RABGAP1L: variants seen among roughly 807,000 people sequenced by gnomAD.
RABGAP1L encodes rab GTPase-activating protein 1-like.
A neutral mutation model predicts 137.7 loss-of-function variants in RABGAP1L; 63 were observed. The observed-to-expected ratio is 0.46, with a 90% CI of 0.37 to 0.56. The LOEUF (loss-of-function observed/expected upper bound fraction) is 0.56, where lower values mean the gene tolerates loss of function less well. Among genes scored for constraint, RABGAP1L ranks in the 20% least tolerant of loss-of-function variants. The pLI, the probability that RABGAP1L is intolerant of heterozygous loss-of-function variation, is 0.00. For synonymous variants in RABGAP1L, 431 were observed against 433.7 expected, an observed-to-expected ratio of 0.99 and a Z score of 0.08; for missense variants, 1,095 against 1,244.0, an observed-to-expected ratio of 0.88 and a Z score of 1.80.
At position 174,183,595 on chromosome 1, in the gene RABGAP1L, T is replaced by C. The variant is rs148493370; in HGVS notation, c.-34+23938T>C. On this transcript the variant is annotated intron_variant, in intron 1 of 25. Transcript: ENST00000681986. The stretch of plus-strand genomic sequence containing the variant: ...AGGGTAGTAAATTTGTTACAGCTGA[T>C]GAACCTACTTGACACATCATTTCTT... Among the ~76,000 whole-genome samples, 715 of 152,346 alleles carry C rather than the reference T, an allele frequency of 4.7e-3. 6 individuals carry two copies. The highest frequency in any genetic ancestry group is 0.017 in the African/African-American group (689 of 41,568).
intron 13 of RABGAP1L, among the ~76,000 whole-genome samples, chr1:174,402,454 T>C (rs917703826): frequency 1.3e-5 from 2 of 152,154 alleles, no homozygotes; most frequent in Non-Finnish European, 2.9e-5. Context: ...AGGAAACACA[T>C]ATAAACCTTA....
intron 19 of RABGAP1L, among the ~76,000 whole-genome samples, chr1:174,853,754 A>G (rs1234148223): frequency 6.6e-6 from 1 of 152,088 alleles, no homozygotes; most frequent in Non-Finnish European, 1.5e-5. Context: ...AAAAAAAACA[A>G]AAAGGCTAGC....
chr1:174,819,783 G>A (rs1032730505), intron 19 of RABGAP1L, among the ~76,000 whole-genome samples: 3 of 152,092 alleles, frequency 2.0e-5, no homozygotes, highest in Admixed American at 1.3e-4. Context: ...AGAAGGAAAA[G>A]CCCACAGAAA....
chr1:174,555,004 G>A (rs1666785238), intron 13 of RABGAP1L, among the ~76,000 whole-genome samples: 1 of 124,238 alleles, frequency 8.0e-6, no homozygotes, highest in South Asian at 2.5e-4. Flanking sequence ...GTTAGAATAA[G>A]CAAAAGGATG....
chr1:174,677,050 G>A (rs370005802), intron 14 of RABGAP1L, among the ~76,000 whole-genome samples: 2 of 151,998 alleles, frequency 1.3e-5, no homozygotes, highest in African/African-American at 4.8e-5. Flanking sequence ...GGCCAGATGG[G>A]GTGGCTCATG....
At chr1:174,601,150 C>T (rs1670378400) in intron 13 of RABGAP1L, among the ~76,000 whole-genome samples, 1 of 152,218 alleles carries the variant, frequency 6.6e-6, no homozygotes, top group Non-Finnish European at 1.5e-5. Context: ...CCCTTTCAGC[C>T]AGGGCTGGAG....
At chr1:174,775,254 C>T (rs1324518183) in intron 18 of RABGAP1L, among the ~76,000 whole-genome samples, 1 of 151,988 alleles carries the variant, frequency 6.6e-6, no homozygotes, top group Non-Finnish European at 1.5e-5. Flanking sequence ...AAATAATTGT[C>T]TGAAACTCAG....
intron 8 of RABGAP1L, among the ~76,000 whole-genome samples, chr1:174,274,236 A>G (rs1352743855): frequency 6.6e-6 from 1 of 152,110 alleles, no homozygotes; most frequent in African/African-American, 2.4e-5. Flanking sequence ...TCATGACAGG[A>G]AAGTCCTATT....
At chr1:174,559,081 C>T (rs1161280963) in intron 13 of RABGAP1L, among the ~76,000 whole-genome samples, 3 of 152,160 alleles carry the variant, frequency 2.0e-5, no homozygotes, top group Non-Finnish European at 2.9e-5. Flanking sequence ...GGCATCTAGT[C>T]AGTCATCCTT....
intron 19 of RABGAP1L, among the ~76,000 whole-genome samples, chr1:174,927,998 TA>T (rs1663121040): frequency 6.6e-6 from 1 of 152,168 alleles, no homozygotes; most frequent in Non-Finnish European, 1.5e-5. Context: ...TTCCTTTGAT[TA>T]AAATCTTTCA....
intron 17 of RABGAP1L, among the ~76,000 whole-genome samples, chr1:174,727,598 T>C (rs1267400113): frequency 6.6e-6 from 1 of 152,200 alleles, no homozygotes; most frequent in Non-Finnish European, 1.5e-5. Context: ...GAACAAGTTC[T>C]GGTATTCTAT....
intron 14 of RABGAP1L, among the ~76,000 whole-genome samples, chr1:174,642,976 G>A (rs1674663929): frequency 1.3e-5 from 2 of 151,938 alleles, no homozygotes; most frequent in Admixed American, 1.3e-4. Context: ...GTAGAGACAG[G>A]GTTTCACTAT....
chr1:174,301,462 T>C (rs908782426), intron 10 of RABGAP1L, among the ~76,000 whole-genome samples: 1 of 151,064 alleles, frequency 6.6e-6, no homozygotes, highest in African/African-American at 2.4e-5. Flanking sequence ...CTGCTTTCTG[T>C]TGTGTGGGGC....
chr1:174,336,937 A>G (rs1681538050), intron 11 of RABGAP1L, among the ~76,000 whole-genome samples: 1 of 151,538 alleles, frequency 6.6e-6, no homozygotes, highest in Non-Finnish European at 1.5e-5. Flanking sequence ...ACTTTAAAGT[A>G]TTGTTGTATT....
chr1:174,315,776 G>T lies in RABGAP1L; in HGVS notation c.1465+10649G>T, dbSNP rs1412433857. Reference sequence around the variant, plus strand: ...GGTGTTCTATAACCTTCTTGTACTTGAATATTGGTATCTTTCTCTAGGTTT... The same window carrying T: ...GGTGTTCTATAACCTTCTTGTACTTTAATATTGGTATCTTTCTCTAGGTTT... On this transcript the variant is annotated intron_variant, in intron 11 of 25. Transcript: ENST00000681986. Among the ~76,000 whole-genome samples the T allele has an allele frequency of 2.0e-5, 3 of 151,848 alleles. No homozygotes were observed. In the East Asian group the frequency reaches 5.8e-4, roughly 29 times the overall value.
At chr1:174,258,039 T>C (rs1673265999) in intron 7 of RABGAP1L, among the ~76,000 whole-genome samples, 1 of 152,234 alleles carries the variant, frequency 6.6e-6, no homozygotes, top group African/African-American at 2.4e-5. Context: ...AACATCCAAA[T>C]GTTAATTGAC....
At chr1:174,571,884 A>G (rs1236069266) in intron 13 of RABGAP1L, among the ~76,000 whole-genome samples, 2 of 152,238 alleles carry the variant, frequency 1.3e-5, no homozygotes, top group African/African-American at 4.8e-5. Context: ...AGCTGCAAAC[A>G]GAAATTCTTA....
At chr1:174,668,343 A>G (rs1238284444) in intron 14 of RABGAP1L, among the ~76,000 whole-genome samples, 1 of 152,180 alleles carries the variant, frequency 6.6e-6, no homozygotes, top group Non-Finnish European at 1.5e-5. Context: ...GGGTCTGCAT[A>G]TGAGTAAGAT....
chr1:174,402,367 A>T (rs1366126870), intron 13 of RABGAP1L, among the ~76,000 whole-genome samples: 1 of 152,202 alleles, frequency 6.6e-6, no homozygotes, highest in Admixed American at 6.6e-5. Flanking sequence ...AGGTTGAAGA[A>T]ATAAAAGCAC....
Sources: allele counts gnomAD v4.1 joint callset (sites outside exome capture counted in the v4.1 genomes callset), GRCh38; gene constraint gnomAD v4.1.1; transcripts MANE v1.5; gene names NCBI Gene and HGNC (gene_info 2026-07-23, HGNC 2026-07-21).